Variants in GC observed in about 807,000 individuals in gnomAD.
GC encodes vitamin D-binding protein.
Under a neutral mutation model 56.7 loss-of-function variants are expected in GC, and 43 were observed. That is an observed-to-expected ratio of 0.76 (90% confidence interval 0.59 to 0.98). The LOEUF is 0.98. GC is among the 50% of genes least tolerant of loss of function. The pLI is 0.00. For synonymous variants in GC, 216 were observed against 202.7 expected (o/e 1.07, Z -0.56); for missense variants, 529 against 545.9 (o/e 0.97, Z 0.31).
intron 1 of GC, among the ~76,000 whole-genome samples, chr4:71,779,305 A>G (rs1578312005): frequency 6.6e-6 from 1 of 151,880 alleles, no homozygotes; most frequent in African/African-American, 2.4e-5. Context: ...AAGAAGAAAA[A>G]ATAAATCCAA....
intron 1 of GC, among the ~76,000 whole-genome samples, chr4:71,769,958 G>C (rs1457849244): frequency 6.6e-6 from 1 of 152,204 alleles, no homozygotes; most frequent in Non-Finnish European, 1.5e-5. Flanking sequence ...GCTCCTGGCT[G>C]TCTAAGGGAA....
chr4:71,758,492 A>G (rs1207699218), intron 6 of GC, among the ~76,000 whole-genome samples: 2 of 152,226 alleles, frequency 1.3e-5, no homozygotes, highest in African/African-American at 2.4e-5. Flanking sequence ...CTTTCTATTC[A>G]TAAGGCCAAT....
upstream of GC, among the ~76,000 whole-genome samples, chr4:71,786,733 A>T (rs956526856): frequency 6.6e-6 from 1 of 151,842 alleles, no homozygotes; most frequent in Non-Finnish European, 1.5e-5. Flanking sequence ...CTTAGTTACT[A>T]AAAGATAACA....
intron 1 of GC, among the ~76,000 whole-genome samples, chr4:71,776,388 A>C (rs1288730254): frequency 6.6e-6 from 1 of 151,936 alleles, no homozygotes; most frequent in African/African-American, 2.4e-5. Context: ...ACATTATGTT[A>C]AGTAAAATAA....
Position 71,783,305 on chromosome 4 carries a change from TC to T in GC, c.58+655del, listed in dbSNP as rs567014495. ...TGTAGAATTCATAAAGTTGTATACT[TC>T]CCATAATCTCAGTCTTTATCATGTA... is the stretch of plus-strand genomic sequence containing the variant. On this transcript the variant is annotated intron_variant, in intron 1 of 12. Coordinates refer to ENST00000273951, the MANE Select transcript of GC (RefSeq NM_000583.4). Among the ~76,000 whole-genome samples the T allele has an allele frequency of 1.2e-3, 188 of 151,836 alleles. 1 individual carries two copies. Among genetic ancestry groups the T allele is most frequent in the African/African-American group, 4.2e-3 (176 of 41,482 alleles).
rs746003171 is a variant in GC, at chr4:71,768,395, G to T, written c.167C>A (p.Thr56Lys). The T allele has an allele frequency of 6.8e-6, 11 of 1,613,264 alleles. No homozygotes were observed. Among genetic ancestry groups the T allele is most frequent in the Non-Finnish European group, 9.3e-6 (11 of 1,179,470 alleles). ...CACAAGTTGGCTGACCTGTTCAAAC[G>T]TGCCACTGGGAAATTTTCTACTGTA... Reference protein sequence around the residue: ...VLYSRKFPSGTFEQVSQLVKE... With the variant: ...VLYSRKFPSGKFEQVSQLVKE... Residue 56 changes from threonine (T) to lysine (K), a missense_variant, in exon 3 of 13, where the codon ACG (threonine) becomes AAG (lysine). Transcript: ENST00000273951.
chr4:71,802,248 A>G (rs891667598), intron 1 of GC, among the ~76,000 whole-genome samples: 3 of 152,158 alleles, frequency 2.0e-5, no homozygotes, highest in African/African-American at 7.2e-5. Context: ...CTTTTAATCA[A>G]TGCAATTAGT....
chr4:71,763,980 ACAAAAT>A (rs1165081663), intron 4 of GC, 44 bp from the exon 5 acceptor site: 2 of 1,492,380 alleles, frequency 1.3e-6, no homozygotes, highest in Non-Finnish European at 1.9e-6. Context: ...TTGTGAATAA[ACAAAAT>A]CTACTTTTTT....
At chr4:71,745,289 C>G (rs2149292038) in intron 12 of GC, among the ~76,000 whole-genome samples, 1 of 152,154 alleles carries the variant, frequency 6.6e-6, no homozygotes, top group Middle Eastern at 3.4e-3. Flanking sequence ...CTTGACCATC[C>G]CCCTTGTACT....
intron 1 of GC, among the ~76,000 whole-genome samples, chr4:71,796,788 C>A (rs149935182): frequency 6.6e-6 from 1 of 152,120 alleles, no homozygotes; most frequent in Non-Finnish European, 1.5e-5. Flanking sequence ...TGGTTTCTCC[C>A]CATCTTTGTG....
At chr4:71,776,605 A>G (rs1439180095) in intron 1 of GC, among the ~76,000 whole-genome samples, 1 of 151,804 alleles carries the variant, frequency 6.6e-6, no homozygotes, top group African/African-American at 2.4e-5. Context: ...ACTATAGTTA[A>G]TCATGTATTT....
intron 1 of GC, 48 bp from the exon 2 acceptor site, chr4:71,769,448 T>C (rs754284002): frequency 8.2e-7 from 1 of 1,225,064 alleles, no homozygotes; most frequent in African/African-American, 1.5e-5. Context: ...TTTTGATGAA[T>C]ATTATGTTAC....
intron 11 of GC, among the ~76,000 whole-genome samples, chr4:71,750,791 A>G (rs1034802631): frequency 6.6e-6 from 1 of 152,128 alleles, no homozygotes; most frequent in Admixed American, 6.6e-5. Flanking sequence ...AGGCTGAGGC[A>G]GGAGAATCAC....
At chr4:71,750,746 G>A (rs539742757) in intron 11 of GC, among the ~76,000 whole-genome samples, 12 of 152,046 alleles carry the variant, frequency 7.9e-5, no homozygotes, top group African/African-American at 1.4e-4. Context: ...TTAGCTGGGC[G>A]TGGTGGTGGG....
intron 1 of GC, among the ~76,000 whole-genome samples, chr4:71,773,840 G>T (rs1050523053): frequency 4.0e-5 from 6 of 151,792 alleles, no homozygotes; most frequent in African/African-American, 1.5e-4. Context: ...CATTTCTTTG[G>T]CATTTTTATT....
rs746003171 is a variant in GC at position 71,768,395 on chromosome 4, G to A, written c.167C>T (p.Thr56Met). 57 of 1,613,146 alleles carry A rather than the reference G, an allele frequency of 3.5e-5. 2 individuals carry two copies. The highest frequency in any genetic ancestry group is 4.4e-5 in the South Asian group (4 of 90,966). ...VLYSRKFPSGTFEQVSQLVKE... is the reference protein window; with the variant it reads ...VLYSRKFPSGMFEQVSQLVKE... ...CACAAGTTGGCTGACCTGTTCAAAC[G>A]TGCCACTGGGAAATTTTCTACTGTA... The change falls in exon 3 of 13, where the codon ACG (threonine) becomes ATG (methionine). Residue 56 changes from threonine to methionine, a missense_variant. By Grantham distance (81) the Thr-to-Met change is moderately conservative. Transcript: ENST00000273951.
intron 1 of GC, among the ~76,000 whole-genome samples, chr4:71,776,750 G>T (rs1410366191): frequency 6.6e-6 from 1 of 151,844 alleles, no homozygotes; most frequent in Non-Finnish European, 1.5e-5. Context: ...TTGTGCCCCA[G>T]AAATGTATAT....
intron 11 of GC, among the ~76,000 whole-genome samples, chr4:71,749,788 G>T (rs1741487979): frequency 6.6e-6 from 1 of 152,134 alleles, no homozygotes; most frequent in Non-Finnish European, 1.5e-5. Context: ...TTTAATGAAA[G>T]ATTAAGATGG....
intron 11 of GC, among the ~76,000 whole-genome samples, chr4:71,751,178 A>C (rs1423536291): frequency 6.6e-6 from 1 of 152,184 alleles, no homozygotes; most frequent in African/African-American, 2.4e-5. Flanking sequence ...ATGGGCTGAC[A>C]TTTTCTGAAA....
Sources: allele counts gnomAD v4.1 joint callset (sites outside exome capture counted in the v4.1 genomes callset), GRCh38; gene constraint gnomAD v4.1.1; transcripts MANE v1.5; gene names NCBI Gene and HGNC (gene_info 2026-07-23, HGNC 2026-07-21).